DLG5: variants seen among roughly 807,000 people sequenced by gnomAD.
DLG5 encodes discs large MAGUK scaffold protein 5.
A neutral mutation model predicts 189.8 loss-of-function variants in DLG5; 48 were observed. That is an observed-to-expected ratio of 0.25 (90% CI 0.20 to 0.32). The LOEUF (loss-of-function observed/expected upper bound fraction) is 0.32. Among genes scored for constraint, DLG5 ranks in the 10% least tolerant of loss-of-function variants. The pLI is 1.00. For synonymous variants in DLG5, 1,016 were observed against 1,054.1 expected, an observed-to-expected ratio of 0.96 and a Z score of 0.70; for missense variants, 2,160 against 2,544.7, an observed-to-expected ratio of 0.85 and a Z score of 3.25.
chr10:77,932,964 A>G, the DLG5 span, among the ~76,000 whole-genome samples: 1 of 152,218 alleles, frequency 6.6e-6, no homozygotes, highest in East Asian at 1.9e-4. Flanking sequence ...AATAAAAAAG[A>G]AAAAAGATGC....
Position 77,821,633 on chromosome 10 carries a change from T to G in DLG5, c.2851A>C (p.Met951Leu), listed in dbSNP as rs764567202. ...TCAGGCACTGCCGTGGAGCTGAGCA[T>G]GGCCTTGGGCCAGGTCCCGCCGCTG... ...SNSGGTWPKA[M>L]LSSTAVPEKL... The change falls in exon 15 of 32, where the codon ATG (methionine) becomes CTG (leucine). Residue 951 changes from methionine (M) to leucine (L), a missense_variant. Around this residue, in one of 5 missense-constraint regions of DLG5, gnomAD observed 754 missense variants for 746.5 expected, o/e 1.01. Coordinates refer to ENST00000372391, the MANE Select transcript of DLG5 (RefSeq NM_004747.4). 6.2e-7 allele frequency: 1 copy of G among 1,612,908 alleles called. No individual in the cohort carries two copies. Among genetic ancestry groups the G allele is most frequent in the Non-Finnish European group, 8.5e-7 (1 of 1,179,920 alleles).
chr10:77,831,851 TATATTAGG>T (rs1441070278), intron 9 of DLG5, among the ~76,000 whole-genome samples: 1 of 152,342 alleles, frequency 6.6e-6, no homozygotes, highest in Non-Finnish European at 1.5e-5. Context: ...CTTAAATAGT[TATATTAGG>T]ATGAAGATGT....
chr10:77,805,889 G>T (rs761585268), intron 26 of DLG5, 28 bp from the exon 27 acceptor site: 2 of 1,588,520 alleles, frequency 1.3e-6, no homozygotes, highest in African/African-American at 2.7e-5. Flanking sequence ...ATGCTGGGCA[G>T]GGCCATCGAG....
In DLG5 at chr10:77,843,395, G is replaced by A. The variant is rs1023090088; in HGVS notation, c.1124+52C>T. 16 of 1,589,592 alleles carry A rather than the reference G, an allele frequency of 1.0e-5. No individual in the cohort carries two copies. In the Admixed American group the frequency reaches 2.5e-4, roughly 25 times the overall value. On this transcript the variant is annotated intron_variant, in intron 6 of 31. Coordinates refer to ENST00000372391, the MANE Select transcript of DLG5 (RefSeq NM_004747.4). Reference sequence around the variant, plus strand: ...CTGTTCTCATCCCCTGGTGGTGGCTGGGAACCTTATAGGACCCATTTGCCC... The same window carrying A: ...CTGTTCTCATCCCCTGGTGGTGGCTAGGAACCTTATAGGACCCATTTGCCC...
intron 1 of DLG5, among the ~76,000 whole-genome samples, chr10:77,883,550 T>G (rs905880685): frequency 1.3e-5 from 2 of 151,928 alleles, no homozygotes; most frequent in Non-Finnish European, 2.9e-5. Flanking sequence ...CCAGAGTCAC[T>G]AATTGGTAAT....
chr10:77,812,093 C>G, intron 21 of DLG5, 36 bp from the exon 22 acceptor site: 1 of 1,604,116 alleles, frequency 6.2e-7, no homozygotes, highest in East Asian at 2.2e-5. Context: ...GTGGGGGGGT[C>G]GGGGCTGTGG....
At chr10:77,825,121 A>T (rs1156381021) in intron 13 of DLG5, among the ~76,000 whole-genome samples, 1 of 152,176 alleles carries the variant, frequency 6.6e-6, no homozygotes, top group Non-Finnish European at 1.5e-5. Context: ...TGGATCTTGC[A>T]GGCATGGTGC....
chr10:77,867,352 G>C (rs977092799), intron 2 of DLG5, among the ~76,000 whole-genome samples: 1 of 152,186 alleles, frequency 6.6e-6, no homozygotes, highest in Non-Finnish European at 1.5e-5. Context: ...CTATCTGTTA[G>C]ACAGATATTG....
At chr10:77,807,008 C>T in intron 25 of DLG5, 80 bp from the exon 26 acceptor site, 1 of 1,496,686 alleles carries the variant, frequency 6.7e-7, no homozygotes, top group Non-Finnish European at 9.1e-7. Flanking sequence ...TGGCCAGGCC[C>T]CTAAGGCTGC....
chr10:77,804,143 C>T (rs752220121), intron 27 of DLG5, among the ~76,000 whole-genome samples: 7 of 152,162 alleles, frequency 4.6e-5, no homozygotes, highest in African/African-American at 1.2e-4. Context: ...CCACCCACCT[C>T]GGCTTCCCAA....
At chr10:77,837,214 CAAAAAAAA>C (rs10531052) in intron 7 of DLG5, among the ~76,000 whole-genome samples, 1 of 69,714 alleles carries the variant, frequency 1.4e-5, no homozygotes, top group Non-Finnish European at 2.7e-5. Flanking sequence ...GACTCGGTCT[CAAAAAAAA>C]AAAAAAAAAA....
At chr10:77,904,889 G>A (rs564521027) in intron 1 of DLG5, among the ~76,000 whole-genome samples, 2 of 152,128 alleles carry the variant, frequency 1.3e-5, no homozygotes, top group South Asian at 4.2e-4. Context: ...AACACTTTGA[G>A]AGGCTGAGGC....
At chr10:77,809,808 A>G in intron 23 of DLG5, 78 bp from the exon 24 acceptor site, 1 of 1,493,954 alleles carries the variant, frequency 6.7e-7, no homozygotes, top group Non-Finnish European at 9.1e-7. Flanking sequence ...CCAATGCCCT[A>G]ACCGCTTTCT....
intron 5 of DLG5, 110 bp from the exon 6 acceptor site, chr10:77,843,816 G>T (rs1242472567): frequency 2.1e-6 from 3 of 1,444,282 alleles, no homozygotes; most frequent in African/African-American, 1.4e-5. Context: ...AGGCGGTTGG[G>T]GGGAGGGGGT....
At chr10:77,802,299 G>T (rs1841247645) in intron 27 of DLG5, among the ~76,000 whole-genome samples, 1 of 152,186 alleles carries the variant, frequency 6.6e-6, no homozygotes, top group Non-Finnish European at 1.5e-5. Flanking sequence ...TATCTTTAAA[G>T]CACCCAAGTA....
chr10:77,936,650 A>G, the DLG5 span, among the ~76,000 whole-genome samples: 1 of 152,200 alleles, frequency 6.6e-6, no homozygotes, highest in Non-Finnish European at 1.5e-5. Flanking sequence ...CTGTGTGCCA[A>G]GTTCTTGGCT....
intron 3 of DLG5, among the ~76,000 whole-genome samples, chr10:77,855,206 C>A (rs1323214172): frequency 1.3e-5 from 2 of 152,194 alleles, no homozygotes; most frequent in African/African-American, 4.8e-5. Flanking sequence ...GTTAAGAACA[C>A]TGGCCATGAG....
chr10:77,862,285 C>T (rs1844501730), intron 2 of DLG5, among the ~76,000 whole-genome samples: 1 of 152,112 alleles, frequency 6.6e-6, no homozygotes, highest in African/African-American at 2.4e-5. Context: ...GTTAATCTGT[C>T]CCTGGACATT....
At chr10:77,825,804 G>A (rs1237643875) in intron 13 of DLG5, among the ~76,000 whole-genome samples, 2 of 151,894 alleles carry the variant, frequency 1.3e-5, no homozygotes, top group Non-Finnish European at 2.9e-5. Flanking sequence ...CAATCCACCC[G>A]CCTCGGCCTC....
Sources: gnomAD v4.1 joint callset for allele counts (sites outside exome capture counted in the v4.1 genomes callset) on GRCh38, gnomAD v4.1.1 for gene constraint, gnomAD v4.1.1 regional missense constraint, MANE v1.5 for transcripts, NCBI Gene and HGNC (gene_info 2026-07-23, HGNC 2026-07-21) for gene names.